The following CSMD1 variants were observed in gnomAD, a reference collection of about 807,000 sequenced individuals.
CSMD1 encodes CUB and Sushi multiple domains 1, also known as CUB and sushi domain-containing protein 1.
In CSMD1, 213 loss-of-function variants were observed where a neutral mutation model predicts 417.5. The ratio of observed to expected loss-of-function variants is 0.51; its 90% CI spans 0.46 to 0.57. The LOEUF (loss-of-function observed/expected upper bound fraction) is 0.57, where lower values mean the gene tolerates loss of function less well. Among genes scored for constraint, CSMD1 ranks in the 20% least tolerant of loss-of-function variants. The pLI, the probability that CSMD1 is intolerant of heterozygous loss-of-function variation, is 0.00. For synonymous variants in CSMD1, 2,862 were observed against 1,736.8 expected (o/e 1.65, Z -16.11); for missense variants, 6,923 against 4,529.7 (o/e 1.53, Z -15.17).
At chr8:4,850,382 C>CTTTT in intron 1 of CSMD1, among the ~76,000 whole-genome samples, 10 of 77,836 alleles carry the variant, frequency 1.3e-4, no homozygotes, top group South Asian at 5.7e-4. Context: ...TCCAATTTAT[C>CTTTT]TTTTTTTTTT....
At chr8:4,131,667 G>A (rs946297039) in intron 3 of CSMD1, among the ~76,000 whole-genome samples, 3 of 150,074 alleles carry the variant, frequency 2.0e-5, no homozygotes, top group Non-Finnish European at 3.0e-5. Flanking sequence ...TAAAATGTTA[G>A]ATAGACTTCA....
intron 10 of CSMD1, among the ~76,000 whole-genome samples, chr8:3,573,016 T>G (rs1320491768): frequency 1.5e-5 from 2 of 132,928 alleles, no homozygotes; most frequent in African/African-American, 6.4e-5. Flanking sequence ...TAATTTTAAT[T>G]CAAATTGAAA....
Position 4,858,216 on chromosome 8 carries a change from C to T in CSMD1, c.85+136116G>A, listed in dbSNP as rs537082583. Among the ~76,000 whole-genome samples, 900 of 149,276 alleles carry T rather than the reference C, an allele frequency of 6.0e-3. 13 individuals are homozygous for T. The highest frequency in any genetic ancestry group is 0.021 in the African/African-American group (862 of 40,260). ...AAAGCCTTTGACAAAATTCAACAAACCTTCATGCTAAAAACTCTCAATAAA... is the reference window on the plus strand; with the variant it reads ...AAAGCCTTTGACAAAATTCAACAAATCTTCATGCTAAAAACTCTCAATAAA... On this transcript the variant is annotated intron_variant, in intron 1 of 69. Transcript: ENST00000635120.
intron 10 of CSMD1, among the ~76,000 whole-genome samples, chr8:3,555,521 C>T (rs1176128450): frequency 6.6e-6 from 1 of 152,152 alleles, no homozygotes; most frequent in Non-Finnish European, 1.5e-5. Flanking sequence ...GCCCCATTTG[C>T]AAAAATTCCA....
At chr8:4,470,627 G>A (rs1347840398) in intron 2 of CSMD1, among the ~76,000 whole-genome samples, 1 of 152,190 alleles carries the variant, frequency 6.6e-6, no homozygotes, top group African/African-American at 2.4e-5. Context: ...TGGCTTTCCT[G>A]TACGTTAACC....
chr8:4,618,248 T>A (rs1801585133), intron 2 of CSMD1, among the ~76,000 whole-genome samples: 1 of 152,116 alleles, frequency 6.6e-6, no homozygotes, highest in Admixed American at 6.6e-5. Flanking sequence ...CCAGACCTCA[T>A]AAATGTGCTT....
intron 4 of CSMD1, among the ~76,000 whole-genome samples, chr8:4,024,261 G>A (rs755687355): frequency 1.3e-5 from 2 of 152,134 alleles, no homozygotes; most frequent in Non-Finnish European, 2.9e-5. Flanking sequence ...TGTCAATTGA[G>A]AAAGTTCACA....
chr8:4,898,180 G>A (rs1804628684), intron 1 of CSMD1, among the ~76,000 whole-genome samples: 1 of 152,096 alleles, frequency 6.6e-6, no homozygotes, highest in South Asian at 2.1e-4. Context: ...GGAATGCCCA[G>A]CGTGCATTGC....
At chr8:4,048,311 A>AGAGG (rs1798253072) in intron 3 of CSMD1, among the ~76,000 whole-genome samples, 1 of 152,204 alleles carries the variant, frequency 6.6e-6, no homozygotes. Context: ...GGTTACACAA[A>AGAGG]GAGGGGAGTC....
chr8:3,366,985 G>A (rs1340920451), intron 20 of CSMD1, 47 bp downstream of exon 20: 3 of 1,373,016 alleles, frequency 2.2e-6, no homozygotes, highest in South Asian at 1.2e-5. Context: ...AACAGAAATG[G>A]CAGTATTGTT....
chr8:3,972,887 C>A (rs116665226), intron 5 of CSMD1, among the ~76,000 whole-genome samples: 2 of 151,864 alleles, frequency 1.3e-5, no homozygotes, highest in Non-Finnish European at 2.9e-5. Flanking sequence ...TAAAAACCAT[C>A]AAAATGTAAA....
intron 1 of CSMD1, among the ~76,000 whole-genome samples, 163 bp from the exon 2 acceptor site, chr8:4,637,721 A>C (rs1802919641): frequency 7.9e-6 from 1 of 126,220 alleles, no homozygotes; most frequent in East Asian, 2.6e-4. Context: ...CGGACTGCGG[A>C]CTGCAGTGGC....
intron 5 of CSMD1, among the ~76,000 whole-genome samples, chr8:3,964,772 A>G (rs1812558738): frequency 6.6e-6 from 1 of 152,246 alleles, no homozygotes; most frequent in Non-Finnish European, 1.5e-5. Flanking sequence ...ATAAAGGACT[A>G]ATGTATCCAA....
chr8:4,191,468 G>T (rs115573120), intron 3 of CSMD1, among the ~76,000 whole-genome samples: 1 of 152,148 alleles, frequency 6.6e-6, no homozygotes, highest in South Asian at 2.1e-4. Context: ...GAACAAGATA[G>T]AACTAAAAGC....
chr8:4,320,134 C>T (rs939159262), intron 3 of CSMD1, among the ~76,000 whole-genome samples: 1 of 152,190 alleles, frequency 6.6e-6, no homozygotes, highest in Admixed American at 6.5e-5. Flanking sequence ...AACTGTGTAA[C>T]AGAACAAAGC....
At chr8:3,590,240 C>A (rs1030879641) in intron 8 of CSMD1, among the ~76,000 whole-genome samples, 1 of 152,092 alleles carries the variant, frequency 6.6e-6, no homozygotes, top group Admixed American at 6.6e-5. Flanking sequence ...GGTAGTATCA[C>A]AAGTATCACA....
At chr8:4,193,224 C>A (rs1046658941) in intron 3 of CSMD1, among the ~76,000 whole-genome samples, 19 of 152,124 alleles carry the variant, frequency 1.2e-4, no homozygotes, top group African/African-American at 4.6e-4. Context: ...GTTGTAGCTG[C>A]CACAAACGTA....
At chr8:3,804,302 T>A (rs1800611711) in intron 5 of CSMD1, among the ~76,000 whole-genome samples, 1 of 152,272 alleles carries the variant, frequency 6.6e-6, no homozygotes, top group East Asian at 1.9e-4. Flanking sequence ...ATAAATAATT[T>A]TTTTTGTGCT....
chr8:4,070,522 T>A (rs948522175), intron 3 of CSMD1, among the ~76,000 whole-genome samples: 20 of 152,008 alleles, frequency 1.3e-4, no homozygotes, highest in African/African-American at 4.8e-4. Context: ...CACGGCCGGC[T>A]ATTTTTTTGT....
Sources: allele counts gnomAD v4.1 joint callset (sites outside exome capture counted in the v4.1 genomes callset), GRCh38; gene constraint gnomAD v4.1.1; transcripts MANE v1.5; gene names NCBI Gene and HGNC (gene_info 2026-07-23, HGNC 2026-07-21).